Variants in ZMYM1 observed in about 807,000 individuals in gnomAD.
ZMYM1 encodes the protein zinc finger MYM-type protein 1.
Under a neutral mutation model 60.0 loss-of-function variants are expected in ZMYM1, and 39 were observed. The observed-to-expected ratio is 0.65, with a 90% CI of 0.50 to 0.85. The LOEUF (loss-of-function observed/expected upper bound fraction) is 0.85. ZMYM1 is among the 40% of genes least tolerant of loss of function. The pLI is 0.00. For synonymous variants in ZMYM1, 413 were observed against 454.0 expected (o/e 0.91, Z 1.15); for missense variants, 1,171 against 1,309.5 (o/e 0.89, Z 1.63).
Position 35,113,378 on chromosome 1 carries a change from T to G in ZMYM1, c.1548T>G (p.Ser516Arg). ...TLEKFRKHEK[S>R]EMHLKSLEFW... ...AAAAATTCAGAAAGCATGAAAAAAG[T>G]GAAATGCATTTGAAGTCATTGGAAT... Residue 516 changes from serine (S) to arginine (R), a missense_variant, in exon 10 of 10, where the codon AGT becomes AGG. Coordinates refer to ENST00000359858, the MANE Select transcript of ZMYM1 (RefSeq NM_024772.5). The G allele has an allele frequency of 1.2e-6, 2 of 1,613,680 alleles. No homozygotes were observed. Among genetic ancestry groups the G allele is most frequent in the Non-Finnish European group, 1.7e-6 (2 of 1,179,932 alleles).
intron 4 of ZMYM1, among the ~76,000 whole-genome samples, chr1:35,104,079 A>C (rs1265702196): frequency 6.6e-6 from 1 of 152,210 alleles, no homozygotes; most frequent in African/African-American, 2.4e-5. Context: ...CTTAAAAAAC[A>C]AAACTGCACT....
rs1032030650 is a variant in ZMYM1, at chr1:35,114,921, C to G, written c.3091C>G (p.Arg1031Gly). 1.2e-6 allele frequency: 2 copies of G among 1,612,322 alleles called. No individual in the cohort carries two copies. The highest frequency in any genetic ancestry group is 2.7e-5 in the African/African-American group (2 of 74,902). ...CATTATCCCAGAACTTAGATTTTAT[C>G]GACATTATGCAAAGCTTAACTTTGT... ...EDIIPELRFYRHYAKLNFVID... is the reference protein window; with the variant it reads ...EDIIPELRFYGHYAKLNFVID... Residue 1031 changes from arginine (R) to glycine (G), a missense_variant, in exon 10 of 10, where the codon CGA (arginine) becomes GGA (glycine). Coordinates refer to ENST00000359858, the MANE Select transcript of ZMYM1 (RefSeq NM_024772.5).
rs1412427232 is a variant in ZMYM1, at chr1:35,115,565, A to T, written c.*306A>T. 1 of 176,988 alleles carries T rather than the reference A, an allele frequency of 5.7e-6. No homozygotes were observed. The highest frequency in any genetic ancestry group is 2.4e-5 in the African/African-American group (1 of 42,298). 11.0% of individuals were successfully genotyped at this position (176,988 alleles called of 1,614,324 possible). ...CTTGATTCTTGGTCTATAATTGCAG[A>T]TGTTATTGTATGAATGTACCATAAT... On this transcript the variant is annotated 3_prime_UTR_variant, in exon 10 of 10. Transcript: ENST00000359858.
chr1:35,091,205 C>T (rs1339099436), intron 1 of ZMYM1, among the ~76,000 whole-genome samples: 2 of 151,784 alleles, frequency 1.3e-5, no homozygotes, highest in African/African-American at 2.4e-5. Context: ...GTGGAACATT[C>T]AAGTGGAGAT....
chr1:35,089,461 T>C (rs1272787729), intron 1 of ZMYM1, among the ~76,000 whole-genome samples: 2 of 152,120 alleles, frequency 1.3e-5, no homozygotes, highest in Non-Finnish European at 2.9e-5. Context: ...ACTTTCTGCA[T>C]TGGGATAGGA....
chr1:35,073,119 G>A (rs1642097199), intron 1 of ZMYM1, among the ~76,000 whole-genome samples: 2 of 151,296 alleles, frequency 1.3e-5, no homozygotes, highest in Admixed American at 6.6e-5. Context: ...AATTAGCCAG[G>A]CATGGTGGCA....
chr1:35,108,363 T>C (rs930714045), intron 6 of ZMYM1, among the ~76,000 whole-genome samples: 3 of 152,138 alleles, frequency 2.0e-5, no homozygotes, highest in Admixed American at 6.6e-5. Context: ...TTTGTTTTTG[T>C]TTTTTTGAGA....
rs375734213 is a variant in ZMYM1 at position 35,110,365 on chromosome 1, G to C, written c.879G>C (p.Thr293=). ...LKPSDEMIET[T]SDLGKTELFC... ...CCTCAGATGAAATGATTGAGACTAC[G>C]AGTGATTTGGGGAAGACAGAGCTTT... The change falls in exon 7 of 10, where the codon ACG becomes ACC. Residue 293 remains threonine (T), a synonymous_variant. Transcript: ENST00000359858. 3.0e-5 allele frequency: 48 copies of C among 1,597,040 alleles called. No individual in the cohort carries two copies. In the African/African-American group the frequency reaches 5.8e-4, roughly 19 times the overall value.
At chr1:35,081,793 T>C (rs1642402331) in intron 1 of ZMYM1, among the ~76,000 whole-genome samples, 1 of 152,150 alleles carries the variant, frequency 6.6e-6, no homozygotes, top group Non-Finnish European at 1.5e-5. Flanking sequence ...ACACCCAGGT[T>C]CAAGTGATTC....
chr1:35,075,353 C>G (rs1189071580), upstream of ZMYM1, among the ~76,000 whole-genome samples: 1 of 151,582 alleles, frequency 6.6e-6, no homozygotes, highest in African/African-American at 2.4e-5. Context: ...TTTTTTGAGT[C>G]AGAGTTTCAC....
chr1:35,117,982 A>G (rs150958317), downstream of ZMYM1, among the ~76,000 whole-genome samples: 43 of 152,048 alleles, frequency 2.8e-4, no homozygotes, highest in East Asian at 8.0e-3. Context: ...GCTCACGCCT[A>G]TAATCCCAAC....
intron 4 of ZMYM1, among the ~76,000 whole-genome samples, chr1:35,098,062 G>A (rs1036117415): frequency 1.3e-5 from 2 of 152,040 alleles, no homozygotes; most frequent in South Asian, 4.1e-4. Context: ...AAATTAATGT[G>A]AAAAGTACTG....
intron 1 of ZMYM1, among the ~76,000 whole-genome samples, chr1:35,064,709 G>A (rs1406251555): frequency 2.5e-5 from 1 of 39,510 alleles, no homozygotes; most frequent in Admixed American, 3.1e-4. Flanking sequence ...TTTTTTTTTT[G>A]AGACAGGGTC....
intron 6 of ZMYM1, 152 bp downstream of exon 6, chr1:35,104,921 A>G (rs1643838802): frequency 1.7e-6 from 1 of 593,236 alleles, no homozygotes; most frequent in Non-Finnish European, 2.9e-6. Context: ...TTCTTCTTGC[A>G]TAAGAATTCA....
chr1:35,115,304 G>A lies in ZMYM1; in HGVS notation c.*45G>A. ...ACCTAAAAGACTTGTATTTCCATTG[G>A]GATGTTTTCATTTCAAAATTGTTCA... On this transcript the variant is annotated 3_prime_UTR_variant, in exon 10 of 10. Coordinates refer to ENST00000359858, the MANE Select transcript of ZMYM1 (RefSeq NM_024772.5). 6.7e-7 allele frequency: 1 copy of A among 1,487,180 alleles called. No individual in the cohort carries two copies. Among genetic ancestry groups the A allele is most frequent in the South Asian group, 1.4e-5 (1 of 69,744 alleles). 92.1% of individuals were successfully genotyped at this position (1,487,180 alleles called of 1,614,324 possible).
chr1:35,091,690 T>C (rs1043016717), intron 1 of ZMYM1, among the ~76,000 whole-genome samples: 2 of 149,816 alleles, frequency 1.3e-5, no homozygotes, highest in African/African-American at 4.9e-5. Flanking sequence ...AGCCCAGGAG[T>C]TCGAGATCAG....
chr1:35,069,551 T>G (rs1461565607), intron 1 of ZMYM1, among the ~76,000 whole-genome samples: 1 of 152,216 alleles, frequency 6.6e-6, no homozygotes, highest in African/African-American at 2.4e-5. Context: ...TTCTTCACTC[T>G]ATTGTTTCCT....
chr1:35,085,887 C>T (rs1213743232), intron 1 of ZMYM1, among the ~76,000 whole-genome samples: 5 of 152,198 alleles, frequency 3.3e-5, no homozygotes, highest in African/African-American at 1.2e-4. Context: ...AGCCCACATA[C>T]TCTGTGTCTA....
At chr1:35,096,902 C>T (rs765778972) in intron 3 of ZMYM1, among the ~76,000 whole-genome samples, 10 of 152,262 alleles carry the variant, frequency 6.6e-5, no homozygotes, top group Non-Finnish European at 1.2e-4. Flanking sequence ...CCATATTGCC[C>T]GGGATGGTCT....
Sources: allele counts gnomAD v4.1 joint callset (sites outside exome capture counted in the v4.1 genomes callset), GRCh38; gene constraint gnomAD v4.1.1; transcripts MANE v1.5; gene names NCBI Gene and HGNC (gene_info 2026-07-23, HGNC 2026-07-21).